The following TNS4 variants were observed in gnomAD, a reference collection of about 807,000 sequenced individuals.
The protein encoded by TNS4 is tensin-4.
Under a neutral mutation model 70.4 loss-of-function variants are expected in TNS4, and 46 were observed. That is an observed-to-expected ratio of 0.65 (90% CI 0.52 to 0.84). TNS4 has a LOEUF of 0.84. Ranked by LOEUF, TNS4 falls within the 40% of genes least tolerant of loss-of-function variation. The pLI is 0.00. For synonymous variants in TNS4, 390 were observed against 366.6 expected (o/e 1.06, Z -0.73); for missense variants, 863 against 907.0 (o/e 0.95, Z 0.62).
At position 40,488,797 on chromosome 17, in the gene TNS4, A is replaced by C. The variant is rs1239905212; in HGVS notation, c.612T>G (p.Ser204=). 1 of 1,612,002 alleles carries C rather than the reference A, an allele frequency of 6.2e-7. No individual in the cohort carries two copies. Among genetic ancestry groups the C allele is most frequent in the Non-Finnish European group, 8.5e-7 (1 of 1,179,636 alleles). The change falls in exon 3 of 13, where the codon TCT becomes TCG. Residue 204 remains serine, a synonymous_variant. Coordinates refer to ENST00000254051, the MANE Select transcript of TNS4 (RefSeq NM_032865.6). ...GCTGGTGCCCCCTGCCCTGGTTCCCAGAGAAGATGAGGCTCTCACTGCTGC... is the reference window on the plus strand; with the variant it reads ...GCTGGTGCCCCCTGCCCTGGTTCCCCGAGAAGATGAGGCTCTCACTGCTGC... ...TRSSSESLIF[S]GNQGRGHQRP... is the part of the protein sequence containing the mutation.
chr17:40,484,345 G>T, intron 6 of TNS4, 139 bp downstream of exon 6: 1 of 1,319,174 alleles, frequency 7.6e-7, no homozygotes, highest in Non-Finnish European at 1.0e-6. Context: ...GGAGAACACT[G>T]GGGTGGACGC....
At position 40,478,303 on chromosome 17, in the gene TNS4, T is replaced by A. The variant is rs2035876113; in HGVS notation, c.2006+4A>T. 6.2e-7 allele frequency: 1 copy of A among 1,612,376 alleles called. No individual in the cohort carries two copies. The highest frequency in any genetic ancestry group is 8.5e-7 in the Non-Finnish European group (1 of 1,179,510). ...TTTGGGGCCCTGAGACAGGAAGGCC[T>A]TACCAGGAGGGTTTGCAGTACTTCT... On this transcript the variant is annotated splice_donor_region_variant and intron_variant, in intron 12 of 12. Transcript: ENST00000254051.
chr17:40,480,378 C>T (rs2035905884), intron 9 of TNS4, among the ~76,000 whole-genome samples: 1 of 152,108 alleles, frequency 6.6e-6, no homozygotes, highest in South Asian at 2.1e-4. Context: ...AGACCCAGAA[C>T]CACCTCTAGG....
intron 8 of TNS4, 44 bp downstream of exon 8, chr17:40,482,085 C>A (rs1324977346): frequency 6.2e-7 from 1 of 1,605,192 alleles, no homozygotes; most frequent in South Asian, 1.1e-5. Context: ...TGAGAACAAA[C>A]AGGTCCCCCA....
intron 10 of TNS4, among the ~76,000 whole-genome samples, chr17:40,479,335 C>T (rs948900827): frequency 7.9e-5 from 12 of 152,008 alleles, no homozygotes; most frequent in African/African-American, 1.7e-4. Context: ...TTAGTAGAGA[C>T]GGGGTTTCAT....
At position 40,484,594 on chromosome 17, in the gene TNS4, C is replaced by T. The variant is rs910753533; in HGVS notation, c.1391G>A (p.Arg464Lys). 4.3e-6 allele frequency: 7 copies of T among 1,612,446 alleles called. No individual in the cohort carries two copies. In the African/African-American group the frequency reaches 5.3e-5, roughly 12 times the overall value. The change falls in exon 6 of 13, where the codon AGG becomes AAG. Residue 464 changes from arginine to lysine, a missense_variant. Physicochemically the swap from Arg to Lys is conservative, Grantham distance 26. Coordinates refer to ENST00000254051, the MANE Select transcript of TNS4 (RefSeq NM_032865.6). ...GACAAAAGCCCCTGGCTCCTCCTTC[C>T]TCAGCAGCTCGATTGCTGGAACAAT... Reference protein sequence around the residue: ...ITREQAIELLRKEEPGAFVIR... With the variant: ...ITREQAIELLKKEEPGAFVIR...
In TNS4 at chr17:40,487,172, C is replaced by A. The variant is rs1318623944; in HGVS notation, c.1152G>T (p.Gly384=). The A allele has an allele frequency of 1.9e-6, 3 of 1,613,968 alleles. No homozygotes were observed. In the African/African-American group the frequency reaches 4.0e-5, roughly 22 times the overall value. The change falls in exon 4 of 13, where the codon GGG becomes GGT. Residue 384 remains glycine (G), a synonymous_variant. Transcript: ENST00000254051. ...IVLINGCPEP[G]SSPPQRTPGH... ...CTGGGGTCCGCTGGGGTGGAGAAGA[C>A]CCTGGTTCTGGGCAGCCGTTGATCA...
chr17:40,485,571 C>T (rs1322102374), intron 4 of TNS4, among the ~76,000 whole-genome samples: 1 of 152,196 alleles, frequency 6.6e-6, no homozygotes, highest in Non-Finnish European at 1.5e-5. Flanking sequence ...GACTAAACAG[C>T]TTCTGAGGGT....
At chr17:40,487,712 CT>C (rs1910154501) in intron 3 of TNS4, among the ~76,000 whole-genome samples, 1 of 152,342 alleles carries the variant, frequency 6.6e-6, no homozygotes, top group Non-Finnish European at 1.5e-5. Flanking sequence ...CCCCTGCAGG[CT>C]TTGGGCATAG....
At chr17:40,497,554 G>A (rs2036161090) in intron 1 of TNS4, among the ~76,000 whole-genome samples, 1 of 152,218 alleles carries the variant, frequency 6.6e-6, no homozygotes. Flanking sequence ...AGTGAGCCGA[G>A]ATCGAGCCAA....
rs941981862 is a variant in TNS4, at chr17:40,496,534, A to C, written c.-95-14T>G. On this transcript the variant is annotated splice_polypyrimidine_tract_variant and intron_variant, in intron 1 of 12. Coordinates refer to ENST00000254051, the MANE Select transcript of TNS4 (RefSeq NM_032865.6). The stretch of plus-strand genomic sequence containing the variant: ...AGCTCCCAGGATCTGAAAGAGTCCA[A>C]GAGTGGGAACGGAGTAATTTCTGTA... 6 of 1,207,072 alleles carry C rather than the reference A, an allele frequency of 5.0e-6. No individual in the cohort carries two copies. The African/African-American group carries it at 7.7e-5, about 16-fold the overall frequency. 74.8% of individuals were successfully genotyped at this position (1,207,072 alleles called of 1,614,324 possible).
Position 40,496,186 on chromosome 17 carries a change from C to A in TNS4, c.240G>T (p.Leu80=). 6.2e-7 allele frequency: 1 copy of A among 1,607,084 alleles called. No homozygotes were observed. Among genetic ancestry groups the A allele is most frequent in the South Asian group, 1.1e-5 (1 of 90,208 alleles). ...CCAAGGCCTTCTCACCAGGGGACGGCAGGAAGCAGGTGGCTTTGGCCTCCA... is the reference window on the plus strand; with the variant it reads ...CCAAGGCCTTCTCACCAGGGGACGGAAGGAAGCAGGTGGCTTTGGCCTCCA... The part of the protein sequence containing the change: ...PQVEAKATCF[L]PSPGEKALGT... The change falls in exon 2 of 13, where the codon CTG becomes CTT. Residue 80 remains leucine (L), a synonymous_variant. Coordinates refer to ENST00000254051, the MANE Select transcript of TNS4 (RefSeq NM_032865.6).
intron 2 of TNS4, among the ~76,000 whole-genome samples, chr17:40,495,347 T>G (rs1314202550): frequency 6.6e-6 from 1 of 152,076 alleles, no homozygotes; most frequent in Non-Finnish European, 1.5e-5. Flanking sequence ...TTCAGTGACA[T>G]CATGTTGGTA....
intron 3 of TNS4, among the ~76,000 whole-genome samples, chr17:40,488,103 T>C (rs1362708899): frequency 1.3e-5 from 2 of 152,224 alleles, no homozygotes; most frequent in East Asian, 3.8e-4. Flanking sequence ...AGAACTGAGC[T>C]GGGATGATTG....
At chr17:40,479,122 A>G (rs1275508533) in intron 10 of TNS4, among the ~76,000 whole-genome samples, 2 of 152,078 alleles carry the variant, frequency 1.3e-5, no homozygotes, top group Non-Finnish European at 2.9e-5. Flanking sequence ...GGCACCCATG[A>G]ATACTAGTTA....
In TNS4 at chr17:40,477,653, C is replaced by A. The variant is rs745866238; in HGVS notation, c.2083G>T (p.Val695Phe). The A allele has an allele frequency of 6.2e-7, 1 of 1,614,132 alleles. No homozygotes were observed. The highest frequency in any genetic ancestry group is 2.2e-5 in the East Asian group (1 of 44,872). ...CCGATGACCTGCGAGGCTGGCTGGACCATGTCATACTCCGCAAAGAGGTGG... is the reference window on the plus strand; with the variant it reads ...CCGATGACCTGCGAGGCTGGCTGGAACATGTCATACTCCGCAAAGAGGTGG... ...VCHLFAEYDM[V>F]QPASQVIGLV... is the part of the protein sequence containing the mutation. Residue 695 changes from valine (V) to phenylalanine (F), a missense_variant, in exon 13 of 13, where the codon GTC (valine) becomes TTC (phenylalanine). Coordinates refer to ENST00000254051, the MANE Select transcript of TNS4 (RefSeq NM_032865.6).
chr17:40,482,102 C>A (rs1236246031), intron 8 of TNS4, 27 bp downstream of exon 8: 1 of 1,612,760 alleles, frequency 6.2e-7, no homozygotes, highest in Non-Finnish European at 8.5e-7. Flanking sequence ...CCCACCTTGG[C>A]ATTGCCTCTT....
Position 40,477,851 on chromosome 17 carries a change from T to C in TNS4, c.2007-122A>G, listed in dbSNP as rs534518954. On this transcript the variant is annotated intron_variant, in intron 12 of 12. Coordinates refer to ENST00000254051, the MANE Select transcript of TNS4 (RefSeq NM_032865.6). ...TCCTCCCTGCCCCTCCCTTAGCCAA[T>C]TGACTCCAGCACCTCCTTATGGTGG... is the stretch of plus-strand genomic sequence containing the variant. The C allele has an allele frequency of 7.8e-5, 70 of 899,788 alleles. No homozygotes were observed. The Admixed American group carries it at 1.4e-3, about 18-fold the overall frequency. The allele number at this position is 899,788 out of a possible 1,614,324, so 55.7% of individuals were successfully genotyped here. A position where few individuals can be genotyped will look rare whatever the true frequency, so the allele number is the denominator to read the frequency against.
Position 40,482,355 on chromosome 17 carries a change from A to T in TNS4, c.1563T>A (p.His521Gln), listed in dbSNP as rs545643734. The T allele has an allele frequency of 6.8e-6, 11 of 1,614,016 alleles. No individual in the cohort carries two copies. The South Asian group carries it at 1.2e-4, about 18-fold the overall frequency. ...AGGGCTCCTCATCTGCTCCTTTGAG[A>T]TGCACTCCTTTGGCAGACGACTCGA... The part of the protein sequence containing the change: ...FLIESSAKGV[H>Q]LKGADEEPYF... Residue 521 changes from histidine (H) to glutamine (Q), a missense_variant, in exon 7 of 13, where the codon CAT becomes CAA. Physicochemically the swap from His to Gln is conservative, Grantham distance 24 (BLOSUM62 0). Transcript: ENST00000254051.
Sources: gnomAD v4.1 joint callset for allele counts (sites outside exome capture counted in the v4.1 genomes callset) on GRCh38, gnomAD v4.1.1 for gene constraint, MANE v1.5 for transcripts, NCBI Gene and HGNC (gene_info 2026-07-23, HGNC 2026-07-21) for gene names.